CASQ1: variants seen among roughly 807,000 people sequenced by gnomAD.
The protein encoded by CASQ1 is calsequestrin-1.
A neutral mutation model predicts 49.5 loss-of-function variants in CASQ1; 40 were observed. The ratio of observed to expected loss-of-function variants is 0.81; its 90% CI spans 0.63 to 1.05. The LOEUF (loss-of-function observed/expected upper bound fraction) is 1.05, where lower values mean the gene tolerates loss of function less well. Among genes scored for constraint, CASQ1 ranks in the 50% least tolerant of loss-of-function variants. The probability of loss-of-function intolerance (pLI) is 0.00; values close to 1 mark genes in which losing one functional copy is unlikely to be tolerated. For synonymous variants in CASQ1, 174 were observed against 187.2 expected, an observed-to-expected ratio of 0.93 and a Z score of 0.58; for missense variants, 469 against 486.9, an observed-to-expected ratio of 0.96 and a Z score of 0.35.
chr1:160,198,366 T>TAGATCTC, intron 7 of CASQ1: 1 of 232,112 alleles, frequency 4.3e-6, no homozygotes, highest in South Asian at 7.3e-5. Context: ...TAGCCAGGTG[T>TAGATCTC]GGTGGCGCAT....
rs1654140866 is a variant in CASQ1 at position 160,193,951 on chromosome 1, CACACATACACCACACGCACACACACCAT to C, written c.465+108_465+135del. ...ACACTGCACACACACACCACACACA[CACACATACACCACACGCACACACACCAT>C]ACATACACCACACGCACACACACCA... is the stretch of plus-strand genomic sequence containing the variant. On this transcript the variant is annotated intron_variant, in intron 3 of 10. Coordinates refer to ENST00000368078, the MANE Select transcript of CASQ1 (RefSeq NM_001231.5). The C allele has an allele frequency of 2.2e-5, 16 of 717,540 alleles. 1 individual carries two copies. In the South Asian group the frequency reaches 2.3e-4, roughly 10 times the overall value. The allele number at this position is 717,540 out of a possible 1,614,324, so 44.4% of individuals were successfully genotyped here. A position where few individuals can be genotyped will look rare whatever the true frequency, so the allele number is the denominator to read the frequency against.
rs1235274197 is a variant in CASQ1, at chr1:160,201,420, T to C, written c.*44T>C. ...TTCAGCCCCACTGGTCTTTTCATGC[T>C]CTCTCCTGCCTTCCCTTGTCCTTCC... On this transcript the variant is annotated 3_prime_UTR_variant, in exon 11 of 11. Transcript: ENST00000368078. 2.5e-6 allele frequency: 4 copies of C among 1,606,114 alleles called. No individual in the cohort carries two copies. Among genetic ancestry groups the C allele is most frequent in the African/African-American group, 2.7e-5 (2 of 74,732 alleles).
At chr1:160,197,036 C>T (rs114940609) in intron 6 of CASQ1, among the ~76,000 whole-genome samples, 2,013 of 152,248 alleles carry the variant, frequency 0.013, 38 homozygotes, top group East Asian at 0.093. Flanking sequence ...AATAATCCTG[C>T]CGGGCACTCA....
Position 160,193,861 on chromosome 1 carries a change from T to G in CASQ1, c.465+14T>G. 1 of 1,587,788 alleles carries G rather than the reference T, an allele frequency of 6.3e-7. No homozygotes were observed. The highest frequency in any genetic ancestry group is 8.6e-7 in the Non-Finnish European group (1 of 1,156,810). Reference sequence around the variant, plus strand: ...TTTCTGCTTGATGTAAGGACTCCCCTGGACCTGACGGCCTTGCTTGAAAAC... The same window carrying G: ...TTTCTGCTTGATGTAAGGACTCCCCGGGACCTGACGGCCTTGCTTGAAAAC... On this transcript the variant is annotated intron_variant, in intron 3 of 10. Transcript: ENST00000368078.
chr1:160,193,985 C>G, intron 3 of CASQ1, 138 bp downstream of exon 3: 1 of 624,326 alleles, frequency 1.6e-6, no homozygotes, highest in African/African-American at 1.9e-5. Context: ...ACCATACATA[C>G]ACCACACGCA....
intron 9 of CASQ1, 57 bp from the exon 10 acceptor site, chr1:160,199,794 C>T (rs951620912): frequency 8.3e-7 from 1 of 1,210,788 alleles, no homozygotes; most frequent in Non-Finnish European, 1.2e-6. Flanking sequence ...ACTCATCCTC[C>T]TGGATTCATG....
intron 5 of CASQ1, 122 bp downstream of exon 5, chr1:160,195,656 C>CCT: frequency 1.2e-6 from 1 of 842,722 alleles, no homozygotes; most frequent in Non-Finnish European, 1.9e-6. Flanking sequence ...CTACCTGCCC[C>CCT]CCCCCCCGGC....
Position 160,197,574 on chromosome 1 carries a change from C to A in CASQ1, c.788C>A (p.Thr263Asn). 1.2e-6 allele frequency: 2 copies of A among 1,611,060 alleles called. No individual in the cohort carries two copies. The highest frequency in any genetic ancestry group is 1.1e-5 in the South Asian group (1 of 91,030). Residue 263 changes from threonine (T) to asparagine (N), a missense_variant, in exon 7 of 11, where the codon ACC (threonine) becomes AAC (asparagine). Transcript: ENST00000368078. ...ACTCTGTCTGTCTCTTCTAGATCAA[C>A]CCTGAGGAAACTGAAGCCGGAGAGT... Reference protein sequence around the residue: ...VNFVEEHRRSTLRKLKPESMY... With the variant: ...VNFVEEHRRSNLRKLKPESMY...
chr1:160,199,046 TC>T lies in CASQ1; in HGVS notation c.982del (p.Leu328CysfsTer19). On this transcript the variant is annotated frameshift_variant, in exon 9 of 11. Transcript: ENST00000368078. LOFTEE classifies it high-confidence loss of function. ...LSIIWIDPDD[F>X]PLLVPYWEKT... is the part of the protein sequence containing the mutation. ...ATCATCTGGATTGACCCTGATGACT[TC>T]CCCCTGGTAAGAGGCACAGCTCAGG... 1 of 1,591,538 alleles carries T rather than the reference TC, an allele frequency of 6.3e-7. No individual in the cohort carries two copies.
In CASQ1 at chr1:160,193,399, G is replaced by A. The variant is rs74533844; in HGVS notation, c.365-348G>A. Reference sequence around the variant, plus strand: ...GAACCAGCTACTAGAGTGCTCAGAGGGGGTGGCATGAATACTCATCTCTAG... The same window carrying A: ...GAACCAGCTACTAGAGTGCTCAGAGAGGGTGGCATGAATACTCATCTCTAG... On this transcript the variant is annotated intron_variant, in intron 2 of 10. Coordinates refer to ENST00000368078, the MANE Select transcript of CASQ1 (RefSeq NM_001231.5). 4.2e-3 allele frequency among the ~76,000 whole-genome samples: 638 copies of A among 152,204 alleles called. 2 individuals are homozygous for A. Among genetic ancestry groups the A allele is most frequent in the African/African-American group, 0.014 (601 of 41,504 alleles).
chr1:160,198,200 G>C (rs1425190859), intron 7 of CASQ1: 2 of 158,656 alleles, frequency 1.3e-5, no homozygotes, highest in Admixed American at 6.0e-5. Flanking sequence ...CTTGGAAAAA[G>C]GTCACCATCA....
Position 160,190,883 on chromosome 1 carries a change from T to C in CASQ1, c.132T>C (p.Asp44=). 6.2e-7 allele frequency: 1 copy of C among 1,614,198 alleles called. No individual in the cohort carries two copies. The highest frequency in any genetic ancestry group is 8.5e-7 in the Non-Finnish European group (1 of 1,180,036). ...AAGGGCTGGACTTCCCTGAGTACGA[T>C]GGTGTGGACCGTGTGATCAATGTCA... ...GQEGLDFPEY[D]GVDRVINVNA... is the part of the protein sequence containing the mutation. Residue 44 remains aspartate, a synonymous_variant, in exon 1 of 11, where the codon GAT becomes GAC. Coordinates refer to ENST00000368078, the MANE Select transcript of CASQ1 (RefSeq NM_001231.5).
In CASQ1 at chr1:160,193,840, T is replaced by G. The variant is rs750327998; in HGVS notation, c.458T>G (p.Leu153Arg). Residue 153 changes from leucine (L) to arginine (R), a missense_variant, in exon 3 of 11, where the codon CTG becomes CGG. By Grantham distance (102) the Leu-to-Arg change is moderately radical (BLOSUM62 -2). Transcript: ENST00000368078. ...EFSADTIVEF[L>R]LDVLEDPVEL... ...TCTGCTGACACCATCGTGGAGTTTC[T>G]GCTTGATGTAAGGACTCCCCTGGAC... 26 of 1,611,112 alleles carry G rather than the reference T, an allele frequency of 1.6e-5. No individual in the cohort carries two copies. Among genetic ancestry groups the G allele is most frequent in the Non-Finnish European group, 3.4e-6 (4 of 1,177,750 alleles).
At position 160,193,829 on chromosome 1, in the gene CASQ1, C is replaced by T. The variant is rs138196284; in HGVS notation, c.447C>T (p.Ile149=). The change falls in exon 3 of 11, where the codon ATC becomes ATT. Residue 149 remains isoleucine (I), a synonymous_variant. Coordinates refer to ENST00000368078, the MANE Select transcript of CASQ1 (RefSeq NM_001231.5). ...EYDGEFSADT[I]VEFLLDVLED... Reference sequence around the variant, plus strand: ...ATGGCGAGTTTTCTGCTGACACCATCGTGGAGTTTCTGCTTGATGTAAGGA... The same window carrying T: ...ATGGCGAGTTTTCTGCTGACACCATTGTGGAGTTTCTGCTTGATGTAAGGA... The T allele has an allele frequency of 2.2e-3, 3,480 of 1,612,118 alleles. 5 individuals are homozygous for T. The highest frequency in any genetic ancestry group is 2.6e-3 in the Non-Finnish European group (3,095 of 1,178,516).
intron 3 of CASQ1, 101 bp from the exon 4 acceptor site, chr1:160,194,911 C>T (rs910217634): frequency 3.0e-5 from 21 of 690,294 alleles, no homozygotes; most frequent in Admixed American, 1.0e-4. Flanking sequence ...CTGTCAACAT[C>T]TAGCCCCCTC....
intron 2 of CASQ1, 64 bp from the exon 3 acceptor site, chr1:160,193,683 G>A: frequency 2.0e-6 from 2 of 982,076 alleles, no homozygotes. Context: ...TTTGGACCTT[G>A]AATCTGTGGG....
chr1:160,198,602 T>C, intron 7 of CASQ1, 75 bp from the exon 8 acceptor site: 2 of 1,068,448 alleles, frequency 1.9e-6, no homozygotes, highest in Non-Finnish European at 2.9e-6. Flanking sequence ...CTAGGATCTG[T>C]TCTGGGCTCC....
At position 160,199,060 on chromosome 1, in the gene CASQ1, G is replaced by C; in HGVS notation, c.984+7G>C. The C allele has an allele frequency of 2.0e-6, 3 of 1,533,778 alleles. No homozygotes were observed. The highest frequency in any genetic ancestry group is 2.7e-6 in the Non-Finnish European group (3 of 1,106,578). On this transcript the variant is annotated splice_region_variant and intron_variant, in intron 9 of 10. Transcript: ENST00000368078. ...CCCTGATGACTTCCCCCTGGTAAGA[G>C]GCACAGCTCAGGCACTGCTATCTTA...
rs201490871 is a variant in CASQ1 at position 160,199,010 on chromosome 1, C to G, written c.941C>G (p.Pro314Arg). 3.1e-6 allele frequency: 5 copies of G among 1,613,344 alleles called. No individual in the cohort carries two copies. Among genetic ancestry groups the G allele is most frequent in the Non-Finnish European group, 2.5e-6 (3 of 1,179,282 alleles). ...GTGGCCCAAGATAACACTGAAAACC[C>G]AGATCTTAGCATCATCTGGATTGAC... ...KAVAQDNTEN[P>R]DLSIIWIDPD... Residue 314 changes from proline to arginine, a missense_variant, in exon 9 of 11, where the codon CCA becomes CGA. Pro to Arg is a moderately radical substitution (Grantham distance 103). Transcript: ENST00000368078.
Sources: gnomAD v4.1 joint callset for allele counts (sites outside exome capture counted in the v4.1 genomes callset) on GRCh38, gnomAD v4.1.1 for gene constraint, MANE v1.5 for transcripts, NCBI Gene and HGNC (gene_info 2026-07-23, HGNC 2026-07-21) for gene names.